Variants in BNC2 observed in about 807,000 individuals in gnomAD.
BNC2 encodes zinc finger protein basonuclin-2.
BNC2 carries 20 observed loss-of-function variants against 76.3 expected under a neutral mutation model. The ratio of observed to expected loss-of-function variants is 0.26; its 90% confidence interval spans 0.18 to 0.38. The LOEUF (loss-of-function observed/expected upper bound fraction) is 0.38, where lower values mean the gene tolerates loss of function less well. Ranked by LOEUF, BNC2 falls within the 10% of genes least tolerant of loss-of-function variation. The pLI is 1.00. For missense variants in BNC2, 1,382 were observed against 1,399.8 expected (o/e 0.99, Z 0.20); for synonymous variants, 582 against 514.8 (o/e 1.13, Z -1.77).
At chr9:16,565,655 A>C (rs1358715582) in intron 4 of BNC2, among the ~76,000 whole-genome samples, 1 of 151,996 alleles carries the variant, frequency 6.6e-6, no homozygotes, top group Non-Finnish European at 1.5e-5. Context: ...AAAAAATACA[A>C]AAATTAGCCA....
At chr9:16,850,624 CTGTGGAAGGTGAA>C (rs1437299684) in intron 1 of BNC2, among the ~76,000 whole-genome samples, 2 of 152,106 alleles carry the variant, frequency 1.3e-5, no homozygotes, top group Non-Finnish European at 2.9e-5. Context: ...AATTCCACCA[CTGTGGAAGGTGAA>C]GGTGGAAGGA....
chr9:16,866,684 AAC>A (rs1819553466), intron 1 of BNC2, among the ~76,000 whole-genome samples: 2 of 148,072 alleles, frequency 1.4e-5, no homozygotes, highest in Non-Finnish European at 3.0e-5. Flanking sequence ...AAAAAAAAAA[AAC>A]CATAATAGCA....
intron 5 of BNC2, among the ~76,000 whole-genome samples, chr9:16,512,172 T>C (rs1822772523): frequency 6.6e-6 from 1 of 152,132 alleles, no homozygotes; most frequent in Admixed American, 6.5e-5. Context: ...TTCCTTGAAG[T>C]GATGAGGAAA....
intron 1 of BNC2, among the ~76,000 whole-genome samples, chr9:16,807,383 A>T (rs1216393315): frequency 6.6e-6 from 1 of 152,224 alleles, no homozygotes; most frequent in Non-Finnish European, 1.5e-5. Flanking sequence ...CTTCTTCTAA[A>T]TCTTCCCATG....
At chr9:16,556,505 C>T (rs1025071126) in intron 4 of BNC2, among the ~76,000 whole-genome samples, 16 of 152,104 alleles carry the variant, frequency 1.1e-4, no homozygotes, top group African/African-American at 3.9e-4. Context: ...CACAGTGGCT[C>T]ACACCTGTAA....
intron 3 of BNC2, among the ~76,000 whole-genome samples, chr9:16,707,847 G>T (rs1823724092): frequency 6.6e-6 from 1 of 152,030 alleles, no homozygotes; most frequent in Non-Finnish European, 1.5e-5. Flanking sequence ...TCACTATGTT[G>T]GCCAGGCTAG....
At chr9:16,486,331 T>C (rs79448211) in intron 5 of BNC2, among the ~76,000 whole-genome samples, 2,568 of 152,302 alleles carry the variant, frequency 0.017, 72 homozygotes, top group African/African-American at 0.058. Flanking sequence ...CTTCTTGAAA[T>C]CAGAATAGTA....
Position 16,413,172 on chromosome 9 carries a change from T to C in BNC2, c.*5817A>G, listed in dbSNP as rs1820510729. The C allele has an allele frequency of 6.8e-6, 1 of 146,462 alleles. No individual in the cohort carries two copies. Among genetic ancestry groups the C allele is most frequent in the South Asian group, 2.3e-4 (1 of 4,332 alleles). The allele number at this position is 146,462 out of a possible 1,614,324, so 9.1% of individuals were successfully genotyped here. On this transcript the variant is annotated 3_prime_UTR_variant, in exon 7 of 7. Coordinates refer to ENST00000380672, the MANE Select transcript of BNC2 (RefSeq NM_017637.6). ...GTTACAGACTGAGCCTTGGTCTTCA[T>C]ATCCTATATAAAAAAGATTTTTTTT...
rs979525075 is a variant in BNC2, at chr9:16,672,389, C to G, written c.330+55408G>C. ...GCGGGCACCTGTAGCCCCAGCTACT[C>G]AGGAGGCTGAGGCAGGAGAATGGCG... On this transcript the variant is annotated intron_variant, in intron 3 of 6. Transcript: ENST00000380672. Among the ~76,000 whole-genome samples, 6 of 152,186 alleles carry G rather than the reference C, an allele frequency of 3.9e-5. No homozygotes were observed. In the East Asian group the frequency reaches 1.2e-3, roughly 29 times the overall value.
chr9:16,593,601 A>G (rs1204397661), intron 3 of BNC2, among the ~76,000 whole-genome samples: 1 of 152,082 alleles, frequency 6.6e-6, no homozygotes, highest in Non-Finnish European at 1.5e-5. Flanking sequence ...GCAATTAGTA[A>G]TATTAAAGAA....
At chr9:16,686,892 T>C (rs1397380344) in intron 3 of BNC2, among the ~76,000 whole-genome samples, 1 of 152,228 alleles carries the variant, frequency 6.6e-6, no homozygotes, top group East Asian at 1.9e-4. Context: ...TCTTCTTTAC[T>C]AGGCTCATAA....
At chr9:16,719,707 A>G (rs1393625679) in intron 3 of BNC2, among the ~76,000 whole-genome samples, 1 of 152,252 alleles carries the variant, frequency 6.6e-6, no homozygotes, top group African/African-American at 2.4e-5. Context: ...AATTTATTAA[A>G]TACAAAACAA....
chr9:16,766,163 C>T (rs950966536), intron 1 of BNC2, among the ~76,000 whole-genome samples: 10 of 152,194 alleles, frequency 6.6e-5, no homozygotes, highest in Admixed American at 1.3e-4. Context: ...TCAACCTTAA[C>T]TGTGAATTTC....
At chr9:16,857,243 T>G (rs1465750291) in intron 1 of BNC2, among the ~76,000 whole-genome samples, 1 of 151,964 alleles carries the variant, frequency 6.6e-6, no homozygotes, top group Non-Finnish European at 1.5e-5. Flanking sequence ...TTTGGGAGGT[T>G]GAGGTGGGCA....
chr9:16,589,151 C>T (rs929497951), intron 3 of BNC2, among the ~76,000 whole-genome samples: 1 of 152,084 alleles, frequency 6.6e-6, no homozygotes, highest in Admixed American at 6.6e-5. Context: ...GGTTCATTAA[C>T]CTTCACCAAT....
intron 5 of BNC2, among the ~76,000 whole-genome samples, chr9:16,546,773 A>C (rs1818496145): frequency 6.6e-6 from 1 of 152,150 alleles, no homozygotes; most frequent in Non-Finnish European, 1.5e-5. Flanking sequence ...TCTTCCCCCA[A>C]ATCATGCCAC....
intron 1 of BNC2, among the ~76,000 whole-genome samples, chr9:16,822,558 A>C (rs1183082329): frequency 6.6e-6 from 1 of 152,186 alleles, no homozygotes; most frequent in East Asian, 1.9e-4. Flanking sequence ...AAAGATGGCA[A>C]TCCATTAACA....
At chr9:16,515,025 G>A (rs959939460) in intron 5 of BNC2, among the ~76,000 whole-genome samples, 8 of 152,176 alleles carry the variant, frequency 5.3e-5, no homozygotes, top group African/African-American at 1.9e-4. Flanking sequence ...GGGAACAGAC[G>A]GGAGGAAAGA....
At chr9:16,463,340 A>G (rs1264999236) in intron 5 of BNC2, among the ~76,000 whole-genome samples, 1 of 108,080 alleles carries the variant, frequency 9.3e-6, no homozygotes, top group Admixed American at 1.3e-4. Context: ...TCTGTCGCCC[A>G]GGCTGGAGTG....
Sources: allele counts gnomAD v4.1 joint callset (sites outside exome capture counted in the v4.1 genomes callset), GRCh38; gene constraint gnomAD v4.1.1; transcripts MANE v1.5; gene names NCBI Gene and HGNC (gene_info 2026-07-23, HGNC 2026-07-21).